The following RUSC2 variants were observed in gnomAD, a reference collection of about 807,000 sequenced individuals.
RUSC2 encodes RUN and SH3 domain containing 2.
In RUSC2, 34 loss-of-function variants were observed where a neutral mutation model predicts 122.2. The ratio of observed to expected loss-of-function variants is 0.28; its 90% CI spans 0.21 to 0.37. The LOEUF is 0.37. Among genes scored for constraint, RUSC2 ranks in the 10% least tolerant of loss-of-function variants. The pLI, the probability that RUSC2 is intolerant of heterozygous loss-of-function variation, is 1.00. For synonymous variants in RUSC2, 784 were observed against 790.0 expected (o/e 0.99, Z 0.13); for missense variants, 1,747 against 1,952.4 (o/e 0.89, Z 1.98).
At chr9:35,536,192 A>G (rs1821524178) in intron 1 of RUSC2, among the ~76,000 whole-genome samples, 1 of 18,172 alleles carries the variant, frequency 5.5e-5, no homozygotes, top group African/African-American at 7.3e-5. Flanking sequence ...TCATCAAAGT[A>G]AAGTTTTTTG....
intron 1 of RUSC2, among the ~76,000 whole-genome samples, chr9:35,515,172 C>T (rs982723214): frequency 2.0e-5 from 3 of 152,142 alleles, no homozygotes; most frequent in Non-Finnish European, 4.4e-5. Context: ...ACATATACCA[C>T]TGTTGAAAAG....
chr9:35,525,563 G>A (rs1044955643), intron 1 of RUSC2, among the ~76,000 whole-genome samples: 4 of 152,118 alleles, frequency 2.6e-5, no homozygotes, highest in Non-Finnish European at 5.9e-5. Context: ...ACTGTGGGAG[G>A]CCGAGGCAGG....
intron 1 of RUSC2, among the ~76,000 whole-genome samples, chr9:35,515,020 C>T (rs1397638968): frequency 6.6e-5 from 10 of 151,952 alleles, no homozygotes; most frequent in African/African-American, 2.2e-4. Context: ...TGTACCTAGC[C>T]GAATATCAGG....
intron 5 of RUSC2, 49 bp downstream of exon 5, chr9:35,556,497 C>A: frequency 4.3e-6 from 6 of 1,405,888 alleles, no homozygotes; most frequent in Non-Finnish European, 5.8e-6. Context: ...TCACTACCTC[C>A]TCACACTTGC....
At chr9:35,551,565 G>A (rs576618723) in intron 2 of RUSC2, among the ~76,000 whole-genome samples, 6 of 152,242 alleles carry the variant, frequency 3.9e-5, no homozygotes, top group Non-Finnish European at 8.8e-5. Context: ...GGCATTCTGA[G>A]GGCAAGAAAT....
At chr9:35,524,656 G>A (rs907474663) in intron 1 of RUSC2, among the ~76,000 whole-genome samples, 1 of 152,058 alleles carries the variant, frequency 6.6e-6, no homozygotes, top group African/African-American at 2.4e-5. Context: ...TTTGTTTTCT[G>A]TTGGAGGCTG....
In RUSC2 at chr9:35,529,849, C is replaced by T. The variant is rs563563104; in HGVS notation, c.-92-16581C>T. Among the ~76,000 whole-genome samples, 3 of 152,078 alleles carry T rather than the reference C, an allele frequency of 2.0e-5. No homozygotes were observed. In the East Asian group the frequency reaches 5.8e-4, roughly 29 times the overall value. On this transcript the variant is annotated intron_variant, in intron 1 of 11. Coordinates refer to ENST00000361226, the MANE Select transcript of RUSC2 (RefSeq NM_014806.5). The stretch of plus-strand genomic sequence containing the variant: ...GCTTTCAGTTTTTCTTCTTCCTTAC[C>T]TTCTTCTTCTTCATCAAATATGCTG...
Position 35,546,435 on chromosome 9 carries a change from A to G in RUSC2, c.-87A>G, listed in dbSNP as rs1316959468. On this transcript the variant is annotated 5_prime_UTR_variant, in exon 2 of 12. Coordinates refer to ENST00000361226, the MANE Select transcript of RUSC2 (RefSeq NM_014806.5). This position sits in a 1 kb window ranked among gnomAD's most constrained non-coding sequence, Gnocchi z 4.3. The stretch of plus-strand genomic sequence containing the variant: ...TTCTTTCCCTCTCTCTCCAGGTGCC[A>G]AGCTCTCCTGATGAAATGTGTTCTG... The G allele has an allele frequency of 3.8e-6, 4 of 1,056,788 alleles. No homozygotes were observed. The African/African-American group carries it at 6.5e-5, about 17-fold the overall frequency. 65.5% of individuals were successfully genotyped at this position (1,056,788 alleles called of 1,614,324 possible). A position where few individuals can be genotyped will look rare whatever the true frequency, so the allele number is the denominator to read the frequency against.
chr9:35,497,921 T>C lies in RUSC2; in HGVS notation c.-93+7749T>C, dbSNP rs532603468. On this transcript the variant is annotated intron_variant, in intron 1 of 11. Transcript: ENST00000361226. The stretch of plus-strand genomic sequence containing the variant: ...CTCCTATCTTTTGTTGTAACTGCCA[T>C]AGGAAAATTATACATGTACTACAGG... Among the ~76,000 whole-genome samples, 73 of 152,310 alleles carry C rather than the reference T, an allele frequency of 4.8e-4. 1 individual carries two copies. The highest frequency in any genetic ancestry group is 5.0e-4 in the Non-Finnish European group (34 of 68,024).
rs1050622084 is a variant in RUSC2, at chr9:35,547,333, ACTC to A, written c.818_820del (p.Ser273del). ...GACCAGTCCATGGGCTATGTGAGCG[ACTC>A]CTCCTGCAACAGTTCAGATGGTGTG... On this transcript the variant is annotated inframe_deletion, in exon 2 of 12. Coordinates refer to ENST00000361226, the MANE Select transcript of RUSC2 (RefSeq NM_014806.5). The surrounding 1 kb of genome is among the most constrained non-coding windows in gnomAD (Gnocchi z 4.6). 1.9e-6 allele frequency: 3 copies of A among 1,613,378 alleles called. No individual in the cohort carries two copies. The highest frequency in any genetic ancestry group is 2.2e-5 in the East Asian group (1 of 44,826).
chr9:35,517,998 A>C lies in RUSC2; in HGVS notation c.-93+27826A>C, dbSNP rs375085815. Among the ~76,000 whole-genome samples, 21 of 152,322 alleles carry C rather than the reference A, an allele frequency of 1.4e-4. No homozygotes were observed. The South Asian group carries it at 2.5e-3, about 18-fold the overall frequency. On this transcript the variant is annotated intron_variant, in intron 1 of 11. Coordinates refer to ENST00000361226, the MANE Select transcript of RUSC2 (RefSeq NM_014806.5). The stretch of plus-strand genomic sequence containing the variant: ...CCAGATGACCCAGCAAGTTGGAGGA[A>C]AACCCAAGAATGAAAGCAGTGTTCC...
At chr9:35,543,155 G>A (rs1028930795) in intron 1 of RUSC2, among the ~76,000 whole-genome samples, 1 of 152,204 alleles carries the variant, frequency 6.6e-6, no homozygotes, top group Non-Finnish European at 1.5e-5. Context: ...GCCCGGCATG[G>A]TGGCTCACAT....
chr9:35,542,749 T>C (rs1665741294), intron 1 of RUSC2, among the ~76,000 whole-genome samples: 2 of 152,202 alleles, frequency 1.3e-5, no homozygotes, highest in South Asian at 2.1e-4. Context: ...TACAATACAA[T>C]TGTCAGTGCC....
intron 1 of RUSC2, among the ~76,000 whole-genome samples, chr9:35,521,234 C>T (rs780476278): frequency 1.3e-5 from 2 of 152,088 alleles, no homozygotes; most frequent in African/African-American, 2.4e-5. Flanking sequence ...TGATTGAGCC[C>T]GCTGCTTCCA....
chr9:35,512,127 GCCAAGAT>G (rs1821021313), intron 1 of RUSC2, among the ~76,000 whole-genome samples: 1 of 152,014 alleles, frequency 6.6e-6, no homozygotes. Flanking sequence ...GTTGCAGTGA[GCCAAGAT>G]CGCGCCACTG....
intron 1 of RUSC2, among the ~76,000 whole-genome samples, chr9:35,495,652 G>T (rs1820696042): frequency 6.6e-6 from 1 of 152,010 alleles, no homozygotes; most frequent in African/African-American, 2.4e-5. Flanking sequence ...GGTTGTTCAG[G>T]ATCCCTTAAG....
intron 1 of RUSC2, among the ~76,000 whole-genome samples, chr9:35,518,042 C>T (rs1864524): frequency 1.3e-5 from 2 of 152,188 alleles, no homozygotes; most frequent in African/African-American, 4.8e-5. Flanking sequence ...GGCATCCTGC[C>T]ACTATCCTAG....
At chr9:35,528,200 A>G (rs1821356619) in intron 1 of RUSC2, among the ~76,000 whole-genome samples, 1 of 152,146 alleles carries the variant, frequency 6.6e-6, no homozygotes, top group East Asian at 1.9e-4. Context: ...AGCCTGGGCA[A>G]CATAGCAAGA....
In RUSC2 at chr9:35,560,645, G is replaced by A; in HGVS notation, c.4005G>A (p.Leu1335=). ...AEACPASEEA[L]GRERGWPFWM... ...CCTGCCCTGCCTCTGAGGAGGCCCTGGGCCGGGAAAGGGGCTGGCCCTTCT... is the reference window on the plus strand; with the variant it reads ...CCTGCCCTGCCTCTGAGGAGGCCCTAGGCCGGGAAAGGGGCTGGCCCTTCT... The change falls in exon 10 of 12, where the codon CTG becomes CTA. Residue 1335 remains leucine (L), a synonymous_variant. Transcript: ENST00000361226. The A allele has an allele frequency of 6.2e-7, 1 of 1,600,296 alleles. No individual in the cohort carries two copies. Among genetic ancestry groups the A allele is most frequent in the Non-Finnish European group, 8.5e-7 (1 of 1,173,094 alleles).
Sources: allele counts gnomAD v4.1 joint callset (sites outside exome capture counted in the v4.1 genomes callset), GRCh38; gene constraint gnomAD v4.1.1; non-coding constraint Gnocchi (gnomAD v3.1); transcripts MANE v1.5; gene names NCBI Gene and HGNC (gene_info 2026-07-23, HGNC 2026-07-21).